Variants in SUCLG2 observed in about 807,000 individuals in gnomAD.
SUCLG2 encodes the protein succinate--CoA ligase [GDP-forming] subunit beta, mitochondrial.
Under a neutral mutation model 47.9 loss-of-function variants are expected in SUCLG2, and 42 were observed. The ratio of observed to expected loss-of-function variants is 0.88; its 90% CI spans 0.69 to 1.14. The LOEUF (loss-of-function observed/expected upper bound fraction) is 1.14. Ranked by LOEUF, SUCLG2 falls within the 50% of genes most tolerant of loss-of-function variation. SUCLG2 has a pLI of 0.00. For synonymous variants in SUCLG2, 195 were observed against 197.3 expected (o/e 0.99, Z 0.10); for missense variants, 571 against 525.9 (o/e 1.09, Z -0.84).
At chr3:67,497,094 T>C (rs1258214415) in intron 8 of SUCLG2, among the ~76,000 whole-genome samples, 1 of 152,144 alleles carries the variant, frequency 6.6e-6, no homozygotes, top group Admixed American at 6.5e-5. Flanking sequence ...ATATTGAGAG[T>C]GCATTAGCTT....
In SUCLG2 at chr3:67,586,439, G is replaced by A. The variant is rs192366709; in HGVS notation, c.226+23016C>T. 3.3e-5 allele frequency among the ~76,000 whole-genome samples: 5 copies of A among 152,288 alleles called. No individual in the cohort carries two copies. The East Asian group carries it at 5.8e-4, about 18-fold the overall frequency. Reference sequence around the variant, plus strand: ...AAGGAAGAGCTATGAATAATAATGAGATTCATTGATTTCGAGAGATCAGAA... The same window carrying A: ...AAGGAAGAGCTATGAATAATAATGAAATTCATTGATTTCGAGAGATCAGAA... On this transcript the variant is annotated intron_variant, in intron 2 of 10. Transcript: ENST00000307227.
chr3:67,443,514 C>T (rs1405811269), intron 9 of SUCLG2, among the ~76,000 whole-genome samples: 2 of 70,262 alleles, frequency 2.8e-5, no homozygotes, highest in African/African-American at 1.0e-4. Context: ...GGCCGCCCAT[C>T]GTCTGGGATG....
chr3:67,442,517 C>G (rs763820516), intron 9 of SUCLG2, among the ~76,000 whole-genome samples: 3 of 152,212 alleles, frequency 2.0e-5, no homozygotes, highest in African/African-American at 7.2e-5. Flanking sequence ...CTTATGCACA[C>G]TGCTCTAGAT....
At chr3:67,595,289 T>G (rs551977926) in intron 2 of SUCLG2, among the ~76,000 whole-genome samples, 10 of 152,180 alleles carry the variant, frequency 6.6e-5, no homozygotes, top group African/African-American at 2.4e-4. Flanking sequence ...ACCTGTGTAA[T>G]GTGAAACACA....
intron 2 of SUCLG2, among the ~76,000 whole-genome samples, chr3:67,532,072 A>G (rs1057048315): frequency 3.3e-5 from 5 of 152,226 alleles, no homozygotes; most frequent in African/African-American, 1.2e-4. Context: ...CGACTTAACC[A>G]TCCTTTAGAA....
chr3:67,535,710 C>T (rs1191792996), intron 2 of SUCLG2, among the ~76,000 whole-genome samples: 1 of 152,162 alleles, frequency 6.6e-6, no homozygotes, highest in Non-Finnish European at 1.5e-5. Flanking sequence ...AGGATCAGCA[C>T]TTGGGACAAA....
chr3:67,377,276 C>T (rs1434515788), intron 10 of SUCLG2, among the ~76,000 whole-genome samples: 1 of 152,218 alleles, frequency 6.6e-6, no homozygotes, highest in Non-Finnish European at 1.5e-5. Context: ...TGCTAGTCTG[C>T]TTACCTACTT....
chr3:67,560,439 T>G (rs1049292541), intron 2 of SUCLG2, among the ~76,000 whole-genome samples: 4 of 152,148 alleles, frequency 2.6e-5, no homozygotes, highest in African/African-American at 7.2e-5. Flanking sequence ...AATATAGCCA[T>G]GTTAGGTAAA....
At chr3:67,426,573 T>C (rs1056856191) in intron 9 of SUCLG2, among the ~76,000 whole-genome samples, 7 of 152,206 alleles carry the variant, frequency 4.6e-5, no homozygotes, top group African/African-American at 1.7e-4. Context: ...TTCTCCAGTA[T>C]TGAAATGTCT....
At chr3:67,466,466 C>T (rs1575715270) in intron 9 of SUCLG2, among the ~76,000 whole-genome samples, 1 of 152,164 alleles carries the variant, frequency 6.6e-6, no homozygotes, top group Admixed American at 6.5e-5. Context: ...CTGGTTTGAT[C>T]AAGGCTGACT....
At chr3:67,456,896 G>C (rs960400571) in intron 9 of SUCLG2, among the ~76,000 whole-genome samples, 4 of 151,910 alleles carry the variant, frequency 2.6e-5, no homozygotes, top group African/African-American at 9.7e-5. Flanking sequence ...ACCAAAATAT[G>C]AATGTGGACA....
At chr3:67,482,408 T>C (rs1259122760) in intron 9 of SUCLG2, among the ~76,000 whole-genome samples, 1 of 152,244 alleles carries the variant, frequency 6.6e-6, no homozygotes, top group African/African-American at 2.4e-5. Flanking sequence ...AGTACCTGTA[T>C]AGAAAAACTG....
intron 9 of SUCLG2, among the ~76,000 whole-genome samples, chr3:67,426,184 A>C (rs1703297831): frequency 6.6e-6 from 1 of 152,206 alleles, no homozygotes; most frequent in Non-Finnish European, 1.5e-5. Flanking sequence ...AGAATAAAAA[A>C]AACAAGCAAA....
chr3:67,388,559 T>C (rs2106784401), intron 10 of SUCLG2, among the ~76,000 whole-genome samples: 1 of 152,358 alleles, frequency 6.6e-6, no homozygotes, highest in Admixed American at 6.5e-5. Flanking sequence ...TGAAGCATTC[T>C]GTTATAACTG....
chr3:67,625,054 G>C (rs768983653), intron 1 of SUCLG2, among the ~76,000 whole-genome samples: 2 of 152,292 alleles, frequency 1.3e-5, no homozygotes, highest in Middle Eastern at 3.4e-3. Flanking sequence ...GAAACATCAA[G>C]AAAGTTTTAT....
At chr3:67,566,120 T>C (rs1707448321) in intron 2 of SUCLG2, among the ~76,000 whole-genome samples, 1 of 152,104 alleles carries the variant, frequency 6.6e-6, no homozygotes, top group Non-Finnish European at 1.5e-5. Context: ...AGCACTTGAG[T>C]GAGCTACTCA....
At chr3:67,443,357 C>G (rs377103690) in intron 9 of SUCLG2, among the ~76,000 whole-genome samples, 27,079 of 66,312 alleles carry the variant, frequency 0.41, 11,150 homozygotes, top group Admixed American at 0.59. Context: ...GGCGAGCGCC[C>G]CTCGGGAGGC....
intron 4 of SUCLG2, among the ~76,000 whole-genome samples, chr3:67,521,625 C>CA (rs1307569040): frequency 6.7e-6 from 1 of 149,202 alleles, no homozygotes; most frequent in Admixed American, 6.7e-5. Context: ...TAAAAAAAGA[C>CA]AGAGTCTCAC....
At chr3:67,626,343 G>A (rs1700829424) in intron 1 of SUCLG2, among the ~76,000 whole-genome samples, 1 of 151,372 alleles carries the variant, frequency 6.6e-6, no homozygotes, top group Admixed American at 6.6e-5. Flanking sequence ...CAGAGCGGGG[G>A]CTCGGGCAAC....
Sources: allele counts gnomAD v4.1 joint callset (sites outside exome capture counted in the v4.1 genomes callset), GRCh38; gene constraint gnomAD v4.1.1; transcripts MANE v1.5; gene names NCBI Gene and HGNC (gene_info 2026-07-23, HGNC 2026-07-21).